The following CDH12 variants were observed in gnomAD, a reference collection of about 807,000 sequenced individuals.
CDH12 encodes the protein cadherin-12.
A neutral mutation model predicts 74.1 loss-of-function variants in CDH12; 41 were observed. The observed-to-expected ratio is 0.55, with a 90% CI of 0.43 to 0.72. The LOEUF (loss-of-function observed/expected upper bound fraction) is 0.72. CDH12 is among the 30% of genes least tolerant of loss of function. The pLI, the probability that CDH12 is intolerant of heterozygous loss-of-function variation, is 0.00. For missense variants in CDH12, 945 were observed against 977.2 expected, an observed-to-expected ratio of 0.97 and a Z score of 0.44; for synonymous variants, 399 against 355.0, an observed-to-expected ratio of 1.12 and a Z score of -1.39.
In CDH12 at chr5:22,170,454, T is replaced by A. The variant is rs146220594; in HGVS notation, c.-187+42044A>T. 0.016 allele frequency among the ~76,000 whole-genome samples: 2,448 copies of A among 151,868 alleles called. 230 individuals are homozygous for A. In the East Asian group the frequency reaches 0.27, roughly 17 times the overall value. On this transcript the variant is annotated intron_variant, in intron 4 of 14. Transcript: ENST00000382254. Reference sequence around the variant, plus strand: ...ACAATCCTAAATTGTAGATATAATTTACTGTAGTTAAATAAATCATTACCT... The same window carrying A: ...ACAATCCTAAATTGTAGATATAATTAACTGTAGTTAAATAAATCATTACCT...
intron 2 of CDH12, among the ~76,000 whole-genome samples, chr5:22,469,922 T>C (rs932893843): frequency 6.6e-6 from 1 of 152,200 alleles, no homozygotes; most frequent in African/African-American, 2.4e-5. Context: ...CTCAAAGCCC[T>C]GCAATGTTTA....
In CDH12 at chr5:21,761,000, A is replaced by G. The variant is rs369816054; in HGVS notation, c.1516-325T>C. On this transcript the variant is annotated intron_variant, in intron 12 of 14. Coordinates refer to ENST00000382254, the MANE Select transcript of CDH12 (RefSeq NM_004061.5). ...TTGCATTTTAAATTAGATGAAATAA[A>G]TGCTTTCTAGCCTGAATGTGAAAAT... Among the ~76,000 whole-genome samples, 9 of 152,284 alleles carry G rather than the reference A, an allele frequency of 5.9e-5. No homozygotes were observed. In the South Asian group the frequency reaches 1.9e-3, roughly 32 times the overall value.
chr5:22,394,050 A>C (rs1285118677), intron 3 of CDH12, among the ~76,000 whole-genome samples: 3 of 152,156 alleles, frequency 2.0e-5, no homozygotes, highest in African/African-American at 7.2e-5. Flanking sequence ...GCATTTGATG[A>C]CTCAAGAGGT....
intron 6 of CDH12, among the ~76,000 whole-genome samples, chr5:21,970,946 C>T (rs1756828811): frequency 6.7e-6 from 1 of 149,046 alleles, no homozygotes. Flanking sequence ...TAGCATTTCT[C>T]CCCAAACTTC....
intron 5 of CDH12, among the ~76,000 whole-genome samples, chr5:22,048,233 A>G (rs1295205889): frequency 2.0e-5 from 3 of 152,198 alleles, no homozygotes; most frequent in Non-Finnish European, 4.4e-5. Flanking sequence ...TTTCATTCCT[A>G]GAGACATATG....
At chr5:22,043,271 T>C (rs1739700327) in intron 5 of CDH12, among the ~76,000 whole-genome samples, 1 of 152,160 alleles carries the variant, frequency 6.6e-6, no homozygotes, top group South Asian at 2.1e-4. Context: ...TTCATCCTAG[T>C]GATATAAACA....
At chr5:22,098,720 C>T (rs1199430498) in intron 4 of CDH12, among the ~76,000 whole-genome samples, 1 of 152,158 alleles carries the variant, frequency 6.6e-6, no homozygotes, top group Non-Finnish European at 1.5e-5. Context: ...CCTGATACCA[C>T]ACCTGACCCC....
chr5:22,836,679 G>A (rs1736844202), intron 1 of CDH12, among the ~76,000 whole-genome samples: 1 of 151,978 alleles, frequency 6.6e-6, no homozygotes, highest in Admixed American at 6.6e-5. Flanking sequence ...GAATTCAGGT[G>A]TTTATTCAAA....
chr5:21,801,911 C>A (rs1747131811), intron 10 of CDH12, among the ~76,000 whole-genome samples: 1 of 152,054 alleles, frequency 6.6e-6, no homozygotes, highest in Non-Finnish European at 1.5e-5. Flanking sequence ...AGATTTGTTA[C>A]CTTGAGTGAC....
intron 1 of CDH12, among the ~76,000 whole-genome samples, chr5:22,713,976 A>C (rs972511029): frequency 6.6e-5 from 10 of 152,194 alleles, no homozygotes; most frequent in African/African-American, 2.4e-4. Context: ...TGTTAAGGCC[A>C]AATTACCTTG....
At chr5:22,756,687 C>A (rs1336798867) in intron 1 of CDH12, among the ~76,000 whole-genome samples, 1 of 152,096 alleles carries the variant, frequency 6.6e-6, no homozygotes, top group African/African-American at 2.4e-5. Context: ...ACTGGCCGGA[C>A]GCGGTGGCTC....
chr5:22,165,735 A>T (rs1748646843), intron 4 of CDH12, among the ~76,000 whole-genome samples: 2 of 152,124 alleles, frequency 1.3e-5, no homozygotes, highest in Non-Finnish European at 2.9e-5. Flanking sequence ...GGTCATAAAG[A>T]CCTTGCTGAT....
In CDH12 at chr5:21,751,878, T is replaced by A. The variant is rs1490111449; in HGVS notation, c.2244A>T (p.Ala748=). Residue 748 remains alanine (A), a synonymous_variant, in exon 15 of 15, where the codon GCA becomes GCT. Transcript: ENST00000382254. The part of the protein sequence containing the change: ...TYAYEGSGSV[A]ESLSSIDSLT... ...GAGAGTCTATAGAGCTGAGGGACTC[T>A]GCCACGGACCCACTCCCTTCGTAGG... The A allele has an allele frequency of 6.2e-7, 1 of 1,614,110 alleles. No individual in the cohort carries two copies. Among genetic ancestry groups the A allele is most frequent in the South Asian group, 1.1e-5 (1 of 91,072 alleles).
chr5:22,172,020 T>G (rs1293567064), intron 4 of CDH12, among the ~76,000 whole-genome samples: 1 of 151,950 alleles, frequency 6.6e-6, no homozygotes, highest in Non-Finnish European at 1.5e-5. Flanking sequence ...GGGGAAGATA[T>G]TTTAAGTTCA....
At chr5:22,622,088 G>A (rs1223807568) in intron 1 of CDH12, among the ~76,000 whole-genome samples, 2 of 152,026 alleles carry the variant, frequency 1.3e-5, no homozygotes, top group Non-Finnish European at 2.9e-5. Context: ...ATTTATTAAG[G>A]TTTTTATATC....
chr5:21,816,947 T>G lies in CDH12; in HGVS notation c.1000A>C (p.Lys334Gln). The G allele has an allele frequency of 6.3e-7, 1 of 1,599,776 alleles. No individual in the cohort carries two copies. Residue 334 changes from lysine (K) to glutamine (Q), a missense_variant and splice_region_variant, in exon 9 of 15, where the codon AAG (lysine) becomes CAG (glutamine). Lys to Gln is a moderately conservative substitution (Grantham distance 53). This residue lies in a region of CDH12 where 791 missense variants were observed against 792.8 expected (regional missense o/e 1.00). Transcript: ENST00000382254. ...DTQEGVIKLK[K>Q]PLDFETKKAY... ...TGTCCCAACATTTGTCTATATACCT[T>G]TTTCAATTTGATGACTCCCTCTTGT...
intron 1 of CDH12, among the ~76,000 whole-genome samples, chr5:22,793,073 G>C (rs1284589960): frequency 6.6e-6 from 1 of 152,082 alleles, no homozygotes; most frequent in East Asian, 1.9e-4. Flanking sequence ...CTTCAATCTA[G>C]TTACTATATT....
At chr5:22,616,859 C>T (rs1429201446) in intron 1 of CDH12, among the ~76,000 whole-genome samples, 3 of 151,864 alleles carry the variant, frequency 2.0e-5, no homozygotes, top group East Asian at 3.9e-4. Context: ...GGAATTTGTG[C>T]CAATTTTCAC....
At chr5:22,760,082 T>C (rs1746128128) in intron 1 of CDH12, among the ~76,000 whole-genome samples, 1 of 152,222 alleles carries the variant, frequency 6.6e-6, no homozygotes, top group Non-Finnish European at 1.5e-5. Flanking sequence ...ATATCTGGGA[T>C]GTGGTCTAGC....
Sources: allele counts gnomAD v4.1 joint callset (sites outside exome capture counted in the v4.1 genomes callset), GRCh38; gene constraint gnomAD v4.1.1; regional missense constraint gnomAD v4.1.1; transcripts MANE v1.5; gene names NCBI Gene and HGNC (gene_info 2026-07-23, HGNC 2026-07-21).